The following AADACL2 variants were observed in gnomAD, a reference collection of about 807,000 sequenced individuals.
AADACL2 encodes arylacetamide deacetylase like 2.
In AADACL2, 23 loss-of-function variants were observed where a neutral mutation model predicts 22.3. The ratio of observed to expected loss-of-function variants is 1.03; its 90% CI spans 0.74 to 1.46. The LOEUF (loss-of-function observed/expected upper bound fraction) is 1.46, where lower values mean the gene tolerates loss of function less well. Ranked by LOEUF, AADACL2 falls within the 40% of genes most tolerant of loss-of-function variation. AADACL2 has a pLI of 0.00. For synonymous variants in AADACL2, 177 were observed against 166.2 expected (o/e 1.07, Z -0.50); for missense variants, 472 against 482.9 (o/e 0.98, Z 0.21).
rs892867185 is a variant in AADACL2 at position 151,761,178 on chromosome 3, T to A, written c.*3584T>A. 1.0e-4 allele frequency: 12 copies of A among 117,246 alleles called. No individual in the cohort carries two copies. In the South Asian group the frequency reaches 1.9e-3, roughly 18 times the overall value. The allele number at this position is 117,246 out of a possible 1,614,324, so 7.3% of individuals were successfully genotyped here. A position where few individuals can be genotyped will look rare whatever the true frequency, so the allele number is the denominator to read the frequency against. ...ATATATGGTGAGATATATATTTATATATATGGTGAGATATATACATATTGT... is the reference window on the plus strand; with the variant it reads ...ATATATGGTGAGATATATATTTATAAATATGGTGAGATATATACATATTGT... On this transcript the variant is annotated 3_prime_UTR_variant, in exon 5 of 5. Transcript: ENST00000356517.
At chr3:151,741,626 A>C (rs1040712604) in intron 2 of AADACL2, among the ~76,000 whole-genome samples, 2 of 152,120 alleles carry the variant, frequency 1.3e-5, no homozygotes, top group African/African-American at 4.8e-5. Context: ...TCATGTGTTA[A>C]AATGGTCGAA....
chr3:151,736,723 A>T (rs2107979953), intron 1 of AADACL2, among the ~76,000 whole-genome samples: 1 of 152,184 alleles, frequency 6.6e-6, no homozygotes, highest in East Asian at 1.9e-4. Context: ...CTATTCTATC[A>T]TTGATGTGCA....
rs201287466 is a variant in AADACL2, at chr3:151,757,451, C to G, written c.1063C>G (p.Arg355Gly). ...DDGLMYVTRL[R>G]NVGVQVVHEH... ...TGGACTTATGTATGTTACAAGACTT[C>G]GAAATGTTGGAGTCCAAGTTGTTCA... Residue 355 changes from arginine to glycine, a missense_variant, in exon 5 of 5, where the codon CGA becomes GGA. Transcript: ENST00000356517. The G allele has an allele frequency of 6.2e-6, 10 of 1,613,384 alleles. No homozygotes were observed. The highest frequency in any genetic ancestry group is 8.5e-6 in the Non-Finnish European group (10 of 1,179,618).
intron 4 of AADACL2, among the ~76,000 whole-genome samples, chr3:151,747,991 T>C (rs1560284594): frequency 1.3e-5 from 2 of 152,144 alleles, no homozygotes; most frequent in Non-Finnish European, 2.9e-5. Flanking sequence ...TTTAGTTGAA[T>C]TCTTTATACA....
Position 151,761,257 on chromosome 3 carries a change from A to G in AADACL2, c.*3663A>G, listed in dbSNP as rs929817105. The stretch of plus-strand genomic sequence containing the variant: ...TATATATATATGAATTTGGTGGAAC[A>G]CAAAAGAACACCTAGCAAGTATCAT... On this transcript the variant is annotated 3_prime_UTR_variant, in exon 5 of 5. Coordinates refer to ENST00000356517, the MANE Select transcript of AADACL2 (RefSeq NM_207365.4). The G allele has an allele frequency of 5.9e-5, 8 of 136,256 alleles. No individual in the cohort carries two copies. The highest frequency in any genetic ancestry group is 2.1e-4 in the African/African-American group (8 of 37,532). 8.4% of individuals were successfully genotyped at this position (136,256 alleles called of 1,614,324 possible).
At chr3:151,755,227 A>G (rs951046000) in intron 4 of AADACL2, 1 of 145,756 alleles carries the variant, frequency 6.9e-6, no homozygotes, top group Admixed American at 6.9e-5. Context: ...ATATGATATT[A>G]ATGACTTTAT....
chr3:151,736,400 G>T (rs971694493), intron 1 of AADACL2, among the ~76,000 whole-genome samples: 3 of 150,918 alleles, frequency 2.0e-5, no homozygotes, highest in Non-Finnish European at 4.4e-5. Context: ...GTGGTTTGCT[G>T]CACCTATCAA....
Position 151,761,076 on chromosome 3 carries a change from T to A in AADACL2, c.*3482T>A, listed in dbSNP as rs1203391097. 6.7e-6 allele frequency: 1 copy of A among 150,340 alleles called. No homozygotes were observed. The highest frequency in any genetic ancestry group is 1.9e-4 in the East Asian group (1 of 5,154). The allele number at this position is 150,340 out of a possible 1,614,324, so 9.3% of individuals were successfully genotyped here. ...TTAGGACTCCAACATATAGATATGTTTTATATATATGGTGAGATATATATA... is the reference window on the plus strand; with the variant it reads ...TTAGGACTCCAACATATAGATATGTATTATATATATGGTGAGATATATATA... On this transcript the variant is annotated 3_prime_UTR_variant, in exon 5 of 5. Coordinates refer to ENST00000356517, the MANE Select transcript of AADACL2 (RefSeq NM_207365.4).
chr3:151,761,214 T>TATATATATAC lies in AADACL2; in HGVS notation c.*3629_*3630insCATATATATA, dbSNP rs1434328691. ...ATATATACATATTGTGATATATATA[T>TATATATATAC]ATATATATATATATATATATATATA... On this transcript the variant is annotated 3_prime_UTR_variant, in exon 5 of 5. Coordinates refer to ENST00000356517, the MANE Select transcript of AADACL2 (RefSeq NM_207365.4). 1.3e-5 allele frequency: 1 copy of TATATATATAC among 76,656 alleles called. No homozygotes were observed. Among genetic ancestry groups the TATATATATAC allele is most frequent in the Non-Finnish European group, 2.6e-5 (1 of 38,616 alleles). 4.7% of individuals were successfully genotyped at this position (76,656 alleles called of 1,614,324 possible). A position where few individuals can be genotyped will look rare whatever the true frequency, so the allele number is the denominator to read the frequency against.
intron 2 of AADACL2, among the ~76,000 whole-genome samples, chr3:151,741,442 A>G (rs1445061045): frequency 6.6e-6 from 1 of 152,146 alleles, no homozygotes; most frequent in Non-Finnish European, 1.5e-5. Flanking sequence ...TATTCAATAA[A>G]TGTTTTTGTG....
chr3:151,741,037 CAT>C (rs1164513505), intron 2 of AADACL2, among the ~76,000 whole-genome samples, 169 bp downstream of exon 2: 1 of 152,100 alleles, frequency 6.6e-6, no homozygotes, highest in Non-Finnish European at 1.5e-5. Context: ...GAGACATAGA[CAT>C]ATGTTTGGCA....
At chr3:151,749,251 T>C (rs1234259978) in intron 4 of AADACL2, among the ~76,000 whole-genome samples, 5 of 143,878 alleles carry the variant, frequency 3.5e-5, no homozygotes, top group Non-Finnish European at 7.6e-5. Flanking sequence ...TTCTACCTCC[T>C]TGGTTAAATT....
chr3:151,750,505 G>T (rs1713628249), intron 4 of AADACL2, among the ~76,000 whole-genome samples: 1 of 151,622 alleles, frequency 6.6e-6, no homozygotes, highest in Non-Finnish European at 1.5e-5. Flanking sequence ...CAAGAGTGCT[G>T]GTTTTTTCCT....
At chr3:151,745,367 T>G in intron 3 of AADACL2, 142 bp from the exon 4 acceptor site, 2 of 787,958 alleles carry the variant, frequency 2.5e-6, no homozygotes, top group South Asian at 3.9e-5. Context: ...AATTTTCATT[T>G]TAATCAAGAG....
intron 3 of AADACL2, among the ~76,000 whole-genome samples, chr3:151,745,083 A>G (rs1275858000): frequency 6.6e-6 from 1 of 152,196 alleles, no homozygotes; most frequent in East Asian, 1.9e-4. Context: ...TTTTACCTAA[A>G]TGTCCTTGAT....
At position 151,761,231 on chromosome 3, in the gene AADACL2, A is replaced by ATT. The variant is rs1219679466; in HGVS notation, c.*3638_*3639insTT. On this transcript the variant is annotated 3_prime_UTR_variant, in exon 5 of 5. Coordinates refer to ENST00000356517, the MANE Select transcript of AADACL2 (RefSeq NM_207365.4). ...TATATATATATATATATATATATAT[A>ATT]TATATATATATGAATTTGGTGGAAC... 1 of 118,902 alleles carries ATT rather than the reference A, an allele frequency of 8.4e-6. No individual in the cohort carries two copies. The highest frequency in any genetic ancestry group is 3.3e-5 in the African/African-American group (1 of 30,706). The allele number at this position is 118,902 out of a possible 1,614,324, so 7.4% of individuals were successfully genotyped here.
At chr3:151,749,957 C>T (rs545395670) in intron 4 of AADACL2, among the ~76,000 whole-genome samples, 3 of 152,224 alleles carry the variant, frequency 2.0e-5, no homozygotes, top group Non-Finnish European at 4.4e-5. Context: ...CTTTTTATCA[C>T]TGAGTATGAT....
chr3:151,747,843 T>G (rs1186298199), intron 4 of AADACL2, among the ~76,000 whole-genome samples: 3 of 152,162 alleles, frequency 2.0e-5, no homozygotes, highest in African/African-American at 4.8e-5. Flanking sequence ...TTTTAATTTT[T>G]TGAGGAAACT....
chr3:151,752,996 A>G (rs902855081), intron 4 of AADACL2, among the ~76,000 whole-genome samples: 2 of 152,196 alleles, frequency 1.3e-5, no homozygotes, highest in African/African-American at 4.8e-5. Flanking sequence ...TAAAAATATA[A>G]AAAACTCTTT....
Sources: gnomAD v4.1 joint callset for allele counts (sites outside exome capture counted in the v4.1 genomes callset) on GRCh38, gnomAD v4.1.1 for gene constraint, MANE v1.5 for transcripts, NCBI Gene and HGNC (gene_info 2026-07-23, HGNC 2026-07-21) for gene names.